LARP4B: variants seen among roughly 807,000 people sequenced by gnomAD.
LARP4B encodes the protein La ribonucleoprotein 4B.
LARP4B carries 12 observed loss-of-function variants against 89.8 expected under a neutral mutation model. The observed-to-expected ratio is 0.13, with a 90% confidence interval of 0.09 to 0.22. The LOEUF (loss-of-function observed/expected upper bound fraction) is 0.22, where lower values mean the gene tolerates loss of function less well. Among genes scored for constraint, LARP4B ranks in the 10% least tolerant of loss-of-function variants. The pLI is 1.00. For synonymous variants in LARP4B, 367 were observed against 363.3 expected (o/e 1.01, Z -0.12); for missense variants, 757 against 947.7 (o/e 0.80, Z 2.64).
At chr10:940,311 G>A in the LARP4B span, among the ~76,000 whole-genome samples, 19 of 151,628 alleles carry the variant, frequency 1.3e-4, no homozygotes, top group African/African-American at 3.4e-4. Flanking sequence ...GCCACCATGC[G>A]CGGGCTTAAT....
At chr10:920,138 C>T (rs551681199) in intron 1 of LARP4B, among the ~76,000 whole-genome samples, 3 of 152,192 alleles carry the variant, frequency 2.0e-5, no homozygotes, top group Admixed American at 6.5e-5. Flanking sequence ...TATACCACAG[C>T]GGAGGGTGCG....
chr10:846,605 A>C (rs1361020061), intron 5 of LARP4B, among the ~76,000 whole-genome samples: 1 of 152,200 alleles, frequency 6.6e-6, no homozygotes, highest in Non-Finnish European at 1.5e-5. Context: ...GGTGTGTGTG[A>C]GTGAGATCAA....
At chr10:824,230 T>G (rs886612926) in intron 13 of LARP4B, among the ~76,000 whole-genome samples, 28 of 152,294 alleles carry the variant, frequency 1.8e-4, no homozygotes, top group African/African-American at 6.0e-4. Flanking sequence ...CGGTGGCTCA[T>G]GCCTGTAATC....
At chr10:818,767 G>A (rs558114103) in intron 14 of LARP4B, 1 of 152,322 alleles carries the variant, frequency 6.6e-6, no homozygotes, top group Admixed American at 6.5e-5. Flanking sequence ...ATTTTTAGCT[G>A]AAACAATGAG....
chr10:823,552 G>A (rs963827698), intron 13 of LARP4B, among the ~76,000 whole-genome samples: 10 of 151,464 alleles, frequency 6.6e-5, no homozygotes, highest in Non-Finnish European at 1.3e-4. Flanking sequence ...TGTGACGCTC[G>A]TATGAACAAG....
chr10:935,287 G>T (rs1015090302), upstream of LARP4B, among the ~76,000 whole-genome samples: 2 of 152,184 alleles, frequency 1.3e-5, no homozygotes, highest in Non-Finnish European at 2.9e-5. Flanking sequence ...AGCTCCAGAC[G>T]CTGCGCTGCT....
In LARP4B at chr10:829,567, T is replaced by C. The variant is rs1261365129; in HGVS notation, c.943A>G (p.Ile315Val). 1.9e-6 allele frequency: 3 copies of C among 1,614,068 alleles called. No homozygotes were observed. Among genetic ancestry groups the C allele is most frequent in the African/African-American group, 1.3e-5 (1 of 74,926 alleles). Reference sequence around the variant, plus strand: ...CCATTCTTTGGCAAAAATGTGTTTATAGCTATTGCCTTTGCTTTTATCCGT... The same window carrying C: ...CCATTCTTTGGCAAAAATGTGTTTACAGCTATTGCCTTTGCTTTTATCCGT... ...KARIKAKAIA[I>V]NTFLPKNGFR... Residue 315 changes from isoleucine (I) to valine (V), a missense_variant, in exon 11 of 18, where the codon ATA becomes GTA. Physicochemically the swap from Ile to Val is conservative, Grantham distance 29. Transcript: ENST00000316157.
At chr10:934,125 C>T (rs945070870), upstream of LARP4B, among the ~76,000 whole-genome samples, 6 of 152,084 alleles carry the variant, frequency 3.9e-5, no homozygotes, top group Non-Finnish European at 8.8e-5. Context: ...AGCCACCGTT[C>T]CCGGCTGGTA....
chr10:870,023 T>C (rs1835121758), intron 3 of LARP4B: 1 of 984,348 alleles, frequency 1.0e-6, no homozygotes, highest in African/African-American at 1.8e-5. Flanking sequence ...GAACTGTCCG[T>C]CTCTATCATG....
chr10:858,737 A>G (rs756213923), intron 5 of LARP4B, among the ~76,000 whole-genome samples: 20 of 152,228 alleles, frequency 1.3e-4, no homozygotes, highest in Admixed American at 1.0e-3. Context: ...TTGAATAGAC[A>G]TTTATCCAAA....
intron 1 of LARP4B, among the ~76,000 whole-genome samples, chr10:924,892 G>A (rs1346649762): frequency 6.6e-6 from 1 of 152,192 alleles, no homozygotes; most frequent in Non-Finnish European, 1.5e-5. Context: ...CAACTATTTA[G>A]CGCATGCTAC....
the LARP4B span, among the ~76,000 whole-genome samples, chr10:983,101 T>G: frequency 6.6e-6 from 1 of 152,250 alleles, no homozygotes; most frequent in East Asian, 1.9e-4. Flanking sequence ...CTTAAGTATT[T>G]TGACATTATT....
chr10:833,293 T>C (rs1227223901), intron 8 of LARP4B, among the ~76,000 whole-genome samples: 1 of 57,230 alleles, frequency 1.7e-5, no homozygotes, highest in Non-Finnish European at 3.6e-5. Context: ...AACCTCAAAA[T>C]GTTTGAAGAA....
the LARP4B span, among the ~76,000 whole-genome samples, chr10:973,643 G>A: frequency 1.7e-4 from 26 of 152,214 alleles, no homozygotes; most frequent in African/African-American, 6.0e-4. Flanking sequence ...GAGCCACTGC[G>A]CCTGGCCTGT....
At chr10:987,230 T>C in the LARP4B span, 1 of 152,120 alleles carries the variant, frequency 6.6e-6, no homozygotes, top group South Asian at 2.1e-4. Flanking sequence ...GCCACAAAGA[T>C]GTAGGAGGTA....
chr10:878,990 GACT>G (rs143630582), intron 3 of LARP4B, among the ~76,000 whole-genome samples: 2,016 of 152,262 alleles, frequency 0.013, 44 homozygotes, highest in African/African-American at 0.045. Flanking sequence ...TGCCTTGAAA[GACT>G]ACTATTACAT....
upstream of LARP4B, among the ~76,000 whole-genome samples, chr10:933,657 G>C (rs1415271434): frequency 6.6e-6 from 1 of 152,106 alleles, no homozygotes; most frequent in African/African-American, 2.4e-5. Context: ...ACATATTTCA[G>C]AAAACTTGCT....
At chr10:880,026 A>G (rs61830929) in intron 3 of LARP4B, among the ~76,000 whole-genome samples, 24,436 of 150,932 alleles carry the variant, frequency 0.16, 2,101 homozygotes, top group Non-Finnish European at 0.19. Context: ...CGCCCGCCTC[A>G]GCCTCCCAAA....
At chr10:878,222 T>G (rs1835531735) in intron 3 of LARP4B, among the ~76,000 whole-genome samples, 1 of 152,178 alleles carries the variant, frequency 6.6e-6, no homozygotes, top group Non-Finnish European at 1.5e-5. Context: ...GAACTCAGGC[T>G]AACTGTGATG....
Sources: gnomAD v4.1 joint callset for allele counts (sites outside exome capture counted in the v4.1 genomes callset) on GRCh38, gnomAD v4.1.1 for gene constraint, MANE v1.5 for transcripts, NCBI Gene and HGNC (gene_info 2026-07-23, HGNC 2026-07-21) for gene names.